SH3TC1: variants seen among roughly 807,000 people sequenced by gnomAD.
SH3TC1 encodes SH3 domain and tetratricopeptide repeats 1.
SH3TC1 carries 135 observed loss-of-function variants against 117.3 expected under a neutral mutation model. The observed-to-expected ratio is 1.15, with a 90% CI of 1.00 to 1.33. The LOEUF (loss-of-function observed/expected upper bound fraction) is 1.33. Among genes scored for constraint, SH3TC1 ranks in the 40% most tolerant of loss-of-function variants. The probability of loss-of-function intolerance (pLI) is 0.00; values close to 1 mark genes in which losing one functional copy is unlikely to be tolerated. For synonymous variants in SH3TC1, 898 were observed against 816.9 expected (o/e 1.10, Z -1.69); for missense variants, 2,092 against 1,794.3 (o/e 1.17, Z -3.00).
chr4:8,235,292 C>A, intron 14 of SH3TC1, 141 bp from the exon 15 acceptor site: 1 of 1,030,154 alleles, frequency 9.7e-7, no homozygotes, highest in Non-Finnish European at 1.3e-6. Flanking sequence ...GTGGGGGCGG[C>A]CCTAATGCAC....
Position 8,219,338 on chromosome 4 carries a change from T to C in SH3TC1, c.920T>C (p.Val307Ala). ...PVMPGNPLMA[V>A]GLASALADFQ... ...ACCATGTGGCTTTCTTCCGCAGCTG[T>C]GGGCCTGGCCTCGGCATTGGCAGAC... Residue 307 changes from valine (V) to alanine (A), a missense_variant, in exon 9 of 18, where the codon GTG becomes GCG. By Grantham distance (64) the Val-to-Ala change is moderately conservative. Transcript: ENST00000245105. The C allele has an allele frequency of 6.3e-7, 1 of 1,586,940 alleles. No homozygotes were observed.
At chr4:8,211,856 G>T (rs989948959) in intron 3 of SH3TC1, among the ~76,000 whole-genome samples, 1 of 152,118 alleles carries the variant, frequency 6.6e-6, no homozygotes, top group South Asian at 2.1e-4. Context: ...CCACCCCTGC[G>T]GAAGATTCCG....
intron 7 of SH3TC1, among the ~76,000 whole-genome samples, chr4:8,217,703 G>C (rs1259282194): frequency 1.3e-5 from 2 of 152,258 alleles, no homozygotes; most frequent in Non-Finnish European, 2.9e-5. Flanking sequence ...TGAGACCCAA[G>C]AGGAGCTTCT....
upstream of SH3TC1, chr4:8,199,191 C>T (rs74792593): frequency 0.12 from 17,900 of 152,350 alleles, 1,238 homozygotes; most frequent in African/African-American, 0.13. Flanking sequence ...CCTGCCTCTC[C>T]GTCACCGGCC....
chr4:8,196,361 C>T (rs1035606100), upstream of SH3TC1, among the ~76,000 whole-genome samples: 3 of 151,910 alleles, frequency 2.0e-5, no homozygotes, highest in Non-Finnish European at 2.9e-5. The surrounding 1 kb of genome is among the most constrained non-coding windows in gnomAD (Gnocchi z 4.6). Flanking sequence ...TCAGAGGCTA[C>T]AGGTGGCACT....
chr4:8,186,466 G>A lies in SH3TC1; in HGVS notation c.-57+4256G>A, dbSNP rs372631042. Among the ~76,000 whole-genome samples, 146 of 152,312 alleles carry A rather than the reference G, an allele frequency of 9.6e-4. No homozygotes were observed. The highest frequency in any genetic ancestry group is 1.5e-3 in the Non-Finnish European group (105 of 68,036). ...TAGGGGAAACTAAGGAAGTCGAGTC[G>A]AGTGTGAATTGTGAGTAAAAATAGC... On this transcript the variant is annotated intron_variant, in intron 1 of 16. Transcript: ENST00000508641. This position sits in a 1 kb window ranked among gnomAD's most constrained non-coding sequence, Gnocchi z 5.2.
chr4:8,213,640 G>A (rs879694935), intron 4 of SH3TC1, among the ~76,000 whole-genome samples: 17 of 152,182 alleles, frequency 1.1e-4, no homozygotes, highest in Admixed American at 1.1e-3. Flanking sequence ...GCTCACACCT[G>A]TAATCCTAGC....
Position 8,182,129 on chromosome 4 carries a change from G to A in SH3TC1, c.-138G>A, listed in dbSNP as rs982969829. Reference sequence around the variant, plus strand: ...GTGCTGGGCTGTGTGGCTGTCCTGAGGAACTGTGATAGCAACAGCTGTGGC... The same window carrying A: ...GTGCTGGGCTGTGTGGCTGTCCTGAAGAACTGTGATAGCAACAGCTGTGGC... On this transcript the variant is annotated 5_prime_UTR_variant, in exon 1 of 17. Coordinates refer to the SH3TC1 transcript ENST00000508641. The A allele has an allele frequency of 3.9e-5, 6 of 152,576 alleles. No individual in the cohort carries two copies. The East Asian group carries it at 1.2e-3, about 29-fold the overall frequency. The allele number at this position is 152,576 out of a possible 1,614,324, so 9.5% of individuals were successfully genotyped here.
chr4:8,233,360 C>A lies in SH3TC1; in HGVS notation c.3132-3C>A. 1 of 1,603,182 alleles carries A rather than the reference C, an allele frequency of 6.2e-7. No individual in the cohort carries two copies. Among genetic ancestry groups the A allele is most frequent in the South Asian group, 1.1e-5 (1 of 89,240 alleles). On this transcript the variant is annotated splice_region_variant and splice_polypyrimidine_tract_variant and intron_variant, in intron 13 of 17. Coordinates refer to ENST00000245105, the MANE Select transcript of SH3TC1 (RefSeq NM_018986.5). ...TTGTTCTGACACCTGTGTCTGATAC[C>A]AGGGCCTACAAATCCGCACTGGACT...
At chr4:8,216,672 T>TGG (rs35752656) in intron 6 of SH3TC1, among the ~76,000 whole-genome samples, 3 of 151,914 alleles carry the variant, frequency 2.0e-5, no homozygotes, top group African/African-American at 4.8e-5. Context: ...AGAAGGGCCC[T>TGG]GGGGGTCCCA....
In SH3TC1 at chr4:8,206,789, C is replaced by T. The variant is rs1293645812; in HGVS notation, c.172+1423C>T. Among the ~76,000 whole-genome samples, 1 of 151,634 alleles carries T rather than the reference C, an allele frequency of 6.6e-6. No individual in the cohort carries two copies. Among genetic ancestry groups the T allele is most frequent in the Non-Finnish European group, 1.5e-5 (1 of 67,976 alleles). On this transcript the variant is annotated intron_variant, in intron 2 of 17. Coordinates refer to ENST00000245105, the MANE Select transcript of SH3TC1 (RefSeq NM_018986.5). The surrounding 1 kb of genome is among the most constrained non-coding windows in gnomAD (Gnocchi z 5.5). Reference sequence around the variant, plus strand: ...ATTCCATTTGCCCATACCCAGGTTCCCTGAATGTTCGCATTTTAGGACTTT... The same window carrying T: ...ATTCCATTTGCCCATACCCAGGTTCTCTGAATGTTCGCATTTTAGGACTTT...
At position 8,219,511 on chromosome 4, in the gene SH3TC1, A is replaced by C; in HGVS notation, c.1093A>C (p.Met365Leu). The change falls in exon 9 of 18, where the codon ATG becomes CTG. Residue 365 changes from methionine to leucine, a missense_variant. Coordinates refer to ENST00000245105, the MANE Select transcript of SH3TC1 (RefSeq NM_018986.5). ...VGFVRSSLIS[M>L]QGPVSELESA... ...GTTTGTGCGGAGCAGCCTCATCAGC[A>C]TGCAGGGCCCCGTGTCCGAGTGAGT... The C allele has an allele frequency of 1.3e-6, 2 of 1,576,648 alleles. No individual in the cohort carries two copies. The highest frequency in any genetic ancestry group is 8.7e-7 in the Non-Finnish European group (1 of 1,155,228).
chr4:8,225,087 C>T lies in SH3TC1; in HGVS notation c.1244-88C>T. The T allele has an allele frequency of 1.3e-6, 2 of 1,507,592 alleles. No individual in the cohort carries two copies. The highest frequency in any genetic ancestry group is 2.3e-5 in the South Asian group (2 of 85,790). The allele number at this position is 1,507,592 out of a possible 1,614,324, so 93.4% of individuals were successfully genotyped here. On this transcript the variant is annotated intron_variant, in intron 10 of 17. Coordinates refer to ENST00000245105, the MANE Select transcript of SH3TC1 (RefSeq NM_018986.5). This position sits in a 1 kb window ranked among gnomAD's most constrained non-coding sequence, Gnocchi z 5.5. ...ATACCTGCACCCAGCAATGCTCTCACCCTGCAACATCGACACTAGCTCAAC... is the reference window on the plus strand; with the variant it reads ...ATACCTGCACCCAGCAATGCTCTCATCCTGCAACATCGACACTAGCTCAAC...
In SH3TC1 at chr4:8,185,453, C is replaced by T. The variant is rs773827863; in HGVS notation, c.-57+3243C>T. Among the ~76,000 whole-genome samples, 6 of 152,080 alleles carry T rather than the reference C, an allele frequency of 3.9e-5. No individual in the cohort carries two copies. The East Asian group carries it at 5.8e-4, about 15-fold the overall frequency. The stretch of plus-strand genomic sequence containing the variant: ...GCATCATCCAGAATAGTTTCAGCAC[C>T]GAGAACTCCCCTGTGGCTCACCGAC... On this transcript the variant is annotated intron_variant, in intron 1 of 16. Coordinates refer to the SH3TC1 transcript ENST00000508641.
At position 8,227,590 on chromosome 4, in the gene SH3TC1, G is replaced by A. The variant is rs745306608; in HGVS notation, c.1896G>A (p.Leu632=). Residue 632 remains leucine (L), a synonymous_variant, in exon 12 of 18, where the codon CTG becomes CTA. Transcript: ENST00000245105. ...QVVPKAMALL[L]GTPDHICSTE... The stretch of plus-strand genomic sequence containing the variant: ...TGCCCAAAGCCATGGCCCTGCTCCT[G>A]GGGACGCCTGACCACATCTGCAGCA... 1.3e-6 allele frequency: 2 copies of A among 1,520,708 alleles called. No homozygotes were observed. The highest frequency in any genetic ancestry group is 4.5e-5 in the Admixed American group (2 of 44,618). 94.2% of individuals were successfully genotyped at this position (1,520,708 alleles called of 1,614,324 possible).
chr4:8,209,864 C>T lies in SH3TC1; in HGVS notation c.247+42C>T, dbSNP rs373774796. ...CTACACAGGGCTTCAGGTTCAAATCCGGGCTGTGCCGCTCCCTGGGCATCC... is the reference window on the plus strand; with the variant it reads ...CTACACAGGGCTTCAGGTTCAAATCTGGGCTGTGCCGCTCCCTGGGCATCC... On this transcript the variant is annotated intron_variant, in intron 3 of 17. Coordinates refer to ENST00000245105, the MANE Select transcript of SH3TC1 (RefSeq NM_018986.5). The surrounding 1 kb of genome is among the most constrained non-coding windows in gnomAD (Gnocchi z 5.9). 168 of 1,589,380 alleles carry T rather than the reference C, an allele frequency of 1.1e-4. No homozygotes were observed. Among genetic ancestry groups the T allele is most frequent in the African/African-American group, 4.8e-4 (36 of 74,678 alleles).
intron 16 of SH3TC1, 55 bp from the exon 17 acceptor site, chr4:8,237,419 A>ATGCCTGCTTCTGAGGGGCCTGTGCCC (rs200316354): frequency 7.0e-7 from 1 of 1,427,820 alleles, no homozygotes; most frequent in African/African-American, 1.4e-5. Flanking sequence ...CGGGGTCTGC[A>ATGCCTGCTTCTGAGGGGCCTGTGCCC]TGCCTGCCCC....
At chr4:8,232,418 C>A in intron 13 of SH3TC1, 3 of 1,559,624 alleles carry the variant, frequency 1.9e-6, no homozygotes, top group Non-Finnish European at 2.6e-6. Context: ...GTCATCTCAA[C>A]CCCAGCAGAA....
upstream of SH3TC1, among the ~76,000 whole-genome samples, chr4:8,197,596 T>G (rs1717598373): frequency 6.6e-6 from 1 of 152,098 alleles, no homozygotes; most frequent in African/African-American, 2.4e-5. Flanking sequence ...CAACCCACCG[T>G]GTGCTCACTG....
Sources: allele counts gnomAD v4.1 joint callset (sites outside exome capture counted in the v4.1 genomes callset), GRCh38; gene constraint gnomAD v4.1.1; non-coding constraint Gnocchi (gnomAD v3.1); transcripts MANE v1.5; gene names NCBI Gene and HGNC (gene_info 2026-07-23, HGNC 2026-07-21).